Variants in MYT1L observed in about 807,000 individuals in gnomAD.
MYT1L encodes myelin transcription factor 1-like protein.
A neutral mutation model predicts 126.7 loss-of-function variants in MYT1L; 12 were observed. The ratio of observed to expected loss-of-function variants is 0.09; its 90% CI spans 0.06 to 0.15. The LOEUF is 0.15. MYT1L is among the 10% of genes least tolerant of loss of function. The probability of loss-of-function intolerance (pLI) is 1.00; values close to 1 mark genes in which losing one functional copy is unlikely to be tolerated. For missense variants in MYT1L, 979 were observed against 1,585.2 expected, an observed-to-expected ratio of 0.62 and a Z score of 6.49; for synonymous variants, 541 against 604.2, an observed-to-expected ratio of 0.90 and a Z score of 1.53.
rs990075641 is a variant in MYT1L, at chr2:1,912,058, C to A, written c.1671G>T (p.Gly557=). 6.9e-6 allele frequency: 11 copies of A among 1,597,992 alleles called. No homozygotes were observed. The Admixed American group carries it at 1.4e-4, about 20-fold the overall frequency. The change falls in exon 12 of 25, where the codon GGG becomes GGT. Residue 557 remains glycine (G), a synonymous_variant. Coordinates refer to ENST00000647738, the MANE Select transcript of MYT1L (RefSeq NM_001303052.2). This position sits in a 1 kb window ranked among gnomAD's most constrained non-coding sequence, Gnocchi z 4.3. ...TCCTGTTGCTGTTGACATGCCCGCG[C>A]CCCGTGCAGCCCGGAGTGGGGCACT... ...VLKCPTPGCT[G]RGHVNSNRNS...
chr2:2,329,123 T>G (rs1352565757), intron 1 of MYT1L, among the ~76,000 whole-genome samples: 1 of 152,150 alleles, frequency 6.6e-6, no homozygotes, highest in Non-Finnish European at 1.5e-5. Flanking sequence ...CTTTGAAAAA[T>G]CACAGCAAAA....
chr2:2,230,576 T>C (rs1292166614), intron 2 of MYT1L, among the ~76,000 whole-genome samples: 1 of 152,210 alleles, frequency 6.6e-6, no homozygotes, highest in East Asian at 1.9e-4. Flanking sequence ...GCAAGCTGCA[T>C]GCCTGCAAGG....
At chr2:2,148,183 T>G (rs979877750) in intron 3 of MYT1L, among the ~76,000 whole-genome samples, 3 of 152,292 alleles carry the variant, frequency 2.0e-5, no homozygotes, top group Admixed American at 1.3e-4. Flanking sequence ...ATCTCTTTAC[T>G]AAAGGCATAA....
rs560904662 is a variant in MYT1L at position 2,142,410 on chromosome 2, T to G, written c.-304+30462A>C. Among the ~76,000 whole-genome samples the G allele has an allele frequency of 1.3e-5, 2 of 152,312 alleles. 1 individual carries two copies. Among genetic ancestry groups the G allele is most frequent in the Admixed American group, 1.3e-4 (2 of 15,298 alleles). Reference sequence around the variant, plus strand: ...CTTATCAACTTTACAGATATTTTAATAGAACTTTTGCTCAAACAGTGGTGA... The same window carrying G: ...CTTATCAACTTTACAGATATTTTAAGAGAACTTTTGCTCAAACAGTGGTGA... On this transcript the variant is annotated intron_variant, in intron 3 of 24. Transcript: ENST00000647738.
chr2:2,188,504 G>C (rs945048079), intron 2 of MYT1L, among the ~76,000 whole-genome samples: 1 of 152,190 alleles, frequency 6.6e-6, no homozygotes, highest in East Asian at 1.9e-4. Context: ...TCATTTAAGG[G>C]ACCTTTACAT....
chr2:2,256,356 C>T (rs1303489759), intron 2 of MYT1L, among the ~76,000 whole-genome samples: 1 of 152,198 alleles, frequency 6.6e-6, no homozygotes, highest in African/African-American at 2.4e-5. Flanking sequence ...AGCAGTTGTC[C>T]AACTGTGGCC....
chr2:1,987,628 T>C (rs1224539343), intron 5 of MYT1L, among the ~76,000 whole-genome samples: 2 of 152,222 alleles, frequency 1.3e-5, no homozygotes, highest in Non-Finnish European at 2.9e-5. Flanking sequence ...AAGCTGGACC[T>C]AGCAACAGTG....
chr2:1,977,889 TA>T (rs2060307150), intron 8 of MYT1L, among the ~76,000 whole-genome samples: 3 of 152,318 alleles, frequency 2.0e-5, no homozygotes, highest in Admixed American at 6.5e-5. Flanking sequence ...AATAATACTT[TA>T]AGTAAACTAC....
intron 8 of MYT1L, among the ~76,000 whole-genome samples, chr2:1,975,651 G>A (rs1051064773): frequency 6.6e-6 from 1 of 152,086 alleles, no homozygotes; most frequent in African/African-American, 2.4e-5. Context: ...ATCACTTGAG[G>A]CCAGGAGTTC....
At chr2:1,997,400 AG>A (rs2149613873) in intron 4 of MYT1L, 53 bp from the exon 5 acceptor site, 1 of 152,600 alleles carries the variant, frequency 6.6e-6, no homozygotes, top group African/African-American at 2.4e-5. Context: ...TCGCCACCTT[AG>A]GGAGAGACAT....
At chr2:2,124,484 TG>T (rs1218085091) in intron 3 of MYT1L, among the ~76,000 whole-genome samples, 1 of 152,004 alleles carries the variant, frequency 6.6e-6, no homozygotes, top group Non-Finnish European at 1.5e-5. Flanking sequence ...TTAGTAGAGA[TG>T]GGGTTTCACC....
At chr2:2,183,325 CAG>C (rs2091740948) in intron 2 of MYT1L, among the ~76,000 whole-genome samples, 1 of 151,982 alleles carries the variant, frequency 6.6e-6, no homozygotes, top group Non-Finnish European at 1.5e-5. Context: ...AGCCTGGTCA[CAG>C]AGAGGCTGCT....
intron 3 of MYT1L, among the ~76,000 whole-genome samples, chr2:2,096,029 C>G (rs913306320): frequency 5.9e-5 from 9 of 152,172 alleles, no homozygotes; most frequent in Admixed American, 4.6e-4. Context: ...ACACATGGTT[C>G]ACGCATGCTT....
intron 2 of MYT1L, among the ~76,000 whole-genome samples, chr2:2,273,592 G>A (rs1410817994): frequency 6.6e-6 from 1 of 152,190 alleles, no homozygotes; most frequent in Non-Finnish European, 1.5e-5. Context: ...GGGCAGTCAG[G>A]GCCTGTAGGC....
chr2:1,831,295 C>T (rs75594220), intron 21 of MYT1L, among the ~76,000 whole-genome samples: 2,246 of 148,628 alleles, frequency 0.015, 49 homozygotes, highest in African/African-American at 0.051. Flanking sequence ...TTGTCTGTGG[C>T]TTCCTGACCT....
At chr2:2,251,720 C>T (rs563695421) in intron 2 of MYT1L, among the ~76,000 whole-genome samples, 18 of 152,000 alleles carry the variant, frequency 1.2e-4, no homozygotes, top group African/African-American at 4.3e-4. Flanking sequence ...GATCTGAAAG[C>T]TCTAATATAT....
chr2:2,020,474 T>A (rs1373824963), intron 4 of MYT1L, among the ~76,000 whole-genome samples: 1 of 152,222 alleles, frequency 6.6e-6, no homozygotes, highest in Non-Finnish European at 1.5e-5. Flanking sequence ...ACATCTCACT[T>A]GACTGCTGAT....
intron 2 of MYT1L, among the ~76,000 whole-genome samples, chr2:2,193,546 A>C (rs2092684237): frequency 6.6e-6 from 1 of 152,196 alleles, no homozygotes; most frequent in Non-Finnish European, 1.5e-5. Flanking sequence ...TCCCATCTGT[A>C]AAGCTGTGGA....
chr2:2,032,079 G>A (rs2066367977), intron 4 of MYT1L, among the ~76,000 whole-genome samples: 1 of 136,552 alleles, frequency 7.3e-6, no homozygotes, highest in Non-Finnish European at 1.6e-5. Context: ...GATTCTAGAA[G>A]GAGGGCCTTA....
Sources: allele counts gnomAD v4.1 joint callset (sites outside exome capture counted in the v4.1 genomes callset), GRCh38; gene constraint gnomAD v4.1.1; non-coding constraint Gnocchi (gnomAD v3.1); transcripts MANE v1.5; gene names NCBI Gene and HGNC (gene_info 2026-07-23, HGNC 2026-07-21).